SYNPR: variants seen among roughly 807,000 people sequenced by gnomAD.
The protein encoded by SYNPR is synaptoporin.
SYNPR carries 23 observed loss-of-function variants against 32.9 expected under a neutral mutation model. The ratio of observed to expected loss-of-function variants is 0.70; its 90% CI spans 0.50 to 0.99. The LOEUF is 0.99. Among genes scored for constraint, SYNPR ranks in the 50% least tolerant of loss-of-function variants. The probability of loss-of-function intolerance (pLI) is 0.00; values close to 1 mark genes in which losing one functional copy is unlikely to be tolerated. For missense variants in SYNPR, 318 were observed against 349.3 expected (o/e 0.91, Z 0.71); for synonymous variants, 146 against 135.9 (o/e 1.07, Z -0.52).
At chr3:63,223,527 C>G (rs549485921), upstream of SYNPR, among the ~76,000 whole-genome samples, 278 of 152,126 alleles carry the variant, frequency 1.8e-3, no homozygotes, top group South Asian at 0.011. Context: ...GTGTTCTTAA[C>G]AGACTATCGC....
intron 2 of SYNPR, among the ~76,000 whole-genome samples, chr3:63,391,532 T>C (rs965276707): frequency 1.3e-5 from 2 of 152,210 alleles, no homozygotes; most frequent in African/African-American, 4.8e-5. Context: ...TGCTAACACC[T>C]ATGAGAATTA....
At chr3:63,509,638 A>G (rs1315676397) in intron 3 of SYNPR, among the ~76,000 whole-genome samples, 1 of 152,030 alleles carries the variant, frequency 6.6e-6, no homozygotes, top group African/African-American at 2.4e-5. Context: ...TACTAAAGAA[A>G]AATTGTCAGT....
At chr3:63,231,965 T>A (rs1289239006) in intron 1 of SYNPR, among the ~76,000 whole-genome samples, 1 of 152,154 alleles carries the variant, frequency 6.6e-6, no homozygotes, top group South Asian at 2.1e-4. Context: ...TGTTTTGTCC[T>A]TACTTGAGAA....
In SYNPR at chr3:63,398,643, T is replaced by C. The variant is rs113015258; in HGVS notation, c.85-82189T>C. 1.6e-3 allele frequency among the ~76,000 whole-genome samples: 246 copies of C among 150,822 alleles called. 4 individuals carry two copies. Among genetic ancestry groups the C allele is most frequent in the Middle Eastern group, 0.01 (3 of 292 alleles). On this transcript the variant is annotated intron_variant, in intron 2 of 5. Coordinates refer to ENST00000478300, the MANE Select transcript of SYNPR (RefSeq NM_001130003.2). ...TAAGGAAAGGAGAATGGCGTGAACC[T>C]AGGAGGCGGAGCTTGCAGTGAGCTG...
At chr3:63,552,965 G>GT (rs955173140) in intron 3 of SYNPR, among the ~76,000 whole-genome samples, 47 of 151,156 alleles carry the variant, frequency 3.1e-4, no homozygotes, top group East Asian at 7.8e-4. Context: ...AAATCTGTTG[G>GT]TTTTTTTTTC....
intron 3 of SYNPR, among the ~76,000 whole-genome samples, chr3:63,510,732 GT>G (rs1379388021): frequency 3.3e-5 from 5 of 152,056 alleles, no homozygotes; most frequent in Non-Finnish European, 5.9e-5. Context: ...AGAGTATGGG[GT>G]TTTTTGTGTG....
chr3:63,612,453 A>G lies in SYNPR; in HGVS notation c.601-2771A>G, dbSNP rs187083944. Among the ~76,000 whole-genome samples, 394 of 152,276 alleles carry G rather than the reference A, an allele frequency of 2.6e-3. 2 individuals are homozygous for G. The highest frequency in any genetic ancestry group is 4.1e-3 in the Non-Finnish European group (281 of 68,010). ...TGCTTCTCCAGCTTCACTCCAGACA[A>G]ATCTTAGTACATCTTTTTAGACGAT... On this transcript the variant is annotated intron_variant, in intron 5 of 5. Transcript: ENST00000478300.
At chr3:63,357,695 A>T (rs1305773309) in intron 2 of SYNPR, among the ~76,000 whole-genome samples, 1 of 152,160 alleles carries the variant, frequency 6.6e-6, no homozygotes, top group Non-Finnish European at 1.5e-5. Context: ...GTGTACATGA[A>T]TCACCTGTGG....
At chr3:63,393,301 G>C (rs7641722) in intron 2 of SYNPR, among the ~76,000 whole-genome samples, 1 of 151,732 alleles carries the variant, frequency 6.6e-6, no homozygotes, top group Admixed American at 6.6e-5. Context: ...TGTATGTGAG[G>C]GTTATTCTAG....
chr3:63,251,984 T>A (rs1048495404), intron 1 of SYNPR, among the ~76,000 whole-genome samples: 1 of 151,930 alleles, frequency 6.6e-6, no homozygotes, highest in Admixed American at 6.6e-5. Context: ...GTTAGTGAAA[T>A]GAGATAGTCT....
At chr3:63,529,207 G>A (rs1382763245) in intron 3 of SYNPR, among the ~76,000 whole-genome samples, 2 of 152,200 alleles carry the variant, frequency 1.3e-5, no homozygotes, top group Non-Finnish European at 2.9e-5. Flanking sequence ...CAAGTCCCTA[G>A]CATAAAATGG....
chr3:63,378,517 C>G (rs537777574), intron 2 of SYNPR, among the ~76,000 whole-genome samples: 17 of 151,986 alleles, frequency 1.1e-4, no homozygotes, highest in African/African-American at 4.1e-4. Context: ...ATATGTCTTC[C>G]CCTCTGCCAA....
At chr3:63,464,666 C>T (rs1700646154) in intron 2 of SYNPR, among the ~76,000 whole-genome samples, 1 of 152,146 alleles carries the variant, frequency 6.6e-6, no homozygotes, top group African/African-American at 2.4e-5. Context: ...GCAACTACTA[C>T]TTGCAAGGCA....
At chr3:63,415,087 A>T (rs1288736741) in intron 2 of SYNPR, among the ~76,000 whole-genome samples, 1 of 152,240 alleles carries the variant, frequency 6.6e-6, no homozygotes, top group African/African-American at 2.4e-5. Flanking sequence ...TATAACAAAA[A>T]AATCATACAT....
chr3:63,496,161 A>T (rs2106727172), intron 3 of SYNPR, among the ~76,000 whole-genome samples: 1 of 152,234 alleles, frequency 6.6e-6, no homozygotes, highest in South Asian at 2.1e-4. Context: ...TATAGAAATG[A>T]ATTAGAATAT....
Position 63,480,976 on chromosome 3 carries a change from GC to G in SYNPR, c.209+21del. The stretch of plus-strand genomic sequence containing the variant: ...ATTCAGGTAGGGAATGGTGGTTCAT[GC>G]TTGTTAGCCTCACAGGGGGTTATTT... On this transcript the variant is annotated intron_variant, in intron 3 of 5. Coordinates refer to ENST00000478300, the MANE Select transcript of SYNPR (RefSeq NM_001130003.2). 6.2e-7 allele frequency: 1 copy of G among 1,606,372 alleles called. No individual in the cohort carries two copies. The highest frequency in any genetic ancestry group is 8.5e-7 in the Non-Finnish European group (1 of 1,175,022).
intron 2 of SYNPR, among the ~76,000 whole-genome samples, chr3:63,430,043 C>G (rs1244893620): frequency 6.6e-6 from 1 of 152,160 alleles, no homozygotes; most frequent in Non-Finnish European, 1.5e-5. Context: ...TATCCTTCGT[C>G]TGATTTTTTT....
chr3:63,480,896 A>G lies in SYNPR; in HGVS notation c.149A>G (p.Asp50Gly), dbSNP rs1701033660. The G allele has an allele frequency of 6.2e-7, 1 of 1,613,510 alleles. No individual in the cohort carries two copies. Among genetic ancestry groups the G allele is most frequent in the Non-Finnish European group, 8.5e-7 (1 of 1,179,654 alleles). Residue 50 changes from aspartate (D) to glycine (G), a missense_variant, in exon 3 of 6, where the codon GAC (aspartate) becomes GGC (glycine). Transcript: ENST00000478300. ...GYSGGLRLSVDCVNKTESNLS... is the reference protein window; with the variant it reads ...GYSGGLRLSVGCVNKTESNLS... ...TCTGGAGGCCTGCGGCTGAGTGTGG[A>G]CTGCGTCAACAAGACAGAAAGTAAC...
chr3:63,206,135 T>C, the SYNPR span, among the ~76,000 whole-genome samples: 1 of 152,158 alleles, frequency 6.6e-6, no homozygotes, highest in Non-Finnish European at 1.5e-5. Flanking sequence ...ACAACTGAAG[T>C]TCTCCTCAGA....
Sources: allele counts gnomAD v4.1 joint callset (sites outside exome capture counted in the v4.1 genomes callset), GRCh38; gene constraint gnomAD v4.1.1; transcripts MANE v1.5; gene names NCBI Gene and HGNC (gene_info 2026-07-23, HGNC 2026-07-21).